The following RIT2 variants were observed in gnomAD, a reference collection of about 807,000 sequenced individuals.
RIT2 encodes Ras like without CAAX 2, also known as GTP-binding protein Rit2.
Under a neutral mutation model 23.7 loss-of-function variants are expected in RIT2, and 24 were observed. The ratio of observed to expected loss-of-function variants is 1.01; its 90% CI spans 0.73 to 1.43. The LOEUF is 1.43. Among genes scored for constraint, RIT2 ranks in the 40% most tolerant of loss-of-function variants. The pLI is 0.00. For synonymous variants in RIT2, 107 were observed against 91.1 expected (o/e 1.17, Z -0.99); for missense variants, 236 against 266.9 (o/e 0.88, Z 0.81).
chr18:42,857,846 A>C (rs1907226203), intron 4 of RIT2, among the ~76,000 whole-genome samples: 1 of 152,164 alleles, frequency 6.6e-6, no homozygotes, highest in Non-Finnish European at 1.5e-5. Context: ...AGGTACTGGG[A>C]ATCAGTCTTG....
intron 1 of RIT2, among the ~76,000 whole-genome samples, chr18:43,057,623 C>A (rs1328035703): frequency 6.6e-6 from 1 of 151,470 alleles, no homozygotes; most frequent in Non-Finnish European, 1.5e-5. Flanking sequence ...ATGCATTAAA[C>A]TGGCATTCCA....
intron 3 of RIT2, among the ~76,000 whole-genome samples, chr18:42,933,294 T>A (rs920250059): frequency 5.3e-5 from 8 of 150,372 alleles, no homozygotes; most frequent in East Asian, 2.0e-4. Context: ...GAGAAAAATG[T>A]TTTAAAATTT....
chr18:43,111,807 T>G (rs1475030547), intron 1 of RIT2, among the ~76,000 whole-genome samples: 3 of 152,146 alleles, frequency 2.0e-5, no homozygotes, highest in African/African-American at 7.2e-5. Context: ...GCAGCTTCAA[T>G]GGTGTCAGAA....
At chr18:42,843,553 C>G (rs1426066204) in intron 4 of RIT2, among the ~76,000 whole-genome samples, 2 of 152,186 alleles carry the variant, frequency 1.3e-5, no homozygotes, top group Non-Finnish European at 2.9e-5. Flanking sequence ...AAGGTAAAAG[C>G]TGAAGTAGGA....
chr18:42,794,555 T>C (rs1438546215), intron 4 of RIT2, among the ~76,000 whole-genome samples: 1 of 152,220 alleles, frequency 6.6e-6, no homozygotes, highest in Non-Finnish European at 1.5e-5. Flanking sequence ...AACATGAGCT[T>C]ACATTTTTTA....
intron 4 of RIT2, among the ~76,000 whole-genome samples, chr18:42,771,258 C>T (rs767742149): frequency 6.6e-5 from 10 of 152,058 alleles, no homozygotes; most frequent in African/African-American, 7.2e-5. Context: ...AGGTATGAAA[C>T]GTTAGTTTCA....
At chr18:43,108,347 C>CGTGT (rs138256652) in intron 1 of RIT2, among the ~76,000 whole-genome samples, 2,076 of 149,288 alleles carry the variant, frequency 0.014, 57 homozygotes, top group African/African-American at 0.043. Context: ...GGCCATATTA[C>CGTGT]GTGTGTGTGT....
At chr18:42,858,071 C>T (rs1371343958) in intron 4 of RIT2, among the ~76,000 whole-genome samples, 4 of 152,152 alleles carry the variant, frequency 2.6e-5, no homozygotes, top group Non-Finnish European at 4.4e-5. Context: ...ATCCCAGCTA[C>T]TCAGGAGACT....
chr18:42,860,092 G>T (rs2144048230), intron 4 of RIT2, among the ~76,000 whole-genome samples: 1 of 152,298 alleles, frequency 6.6e-6, no homozygotes, highest in East Asian at 1.9e-4. Context: ...CTGGGGACAA[G>T]TCTTTTCTCA....
intron 4 of RIT2, among the ~76,000 whole-genome samples, chr18:42,818,643 C>T (rs1027391414): frequency 1.3e-5 from 2 of 151,894 alleles, no homozygotes; most frequent in African/African-American, 4.8e-5. Context: ...AGAAACAGAG[C>T]AATAAGCTTT....
chr18:42,993,466 A>G (rs1421930767), intron 2 of RIT2, among the ~76,000 whole-genome samples: 1 of 151,256 alleles, frequency 6.6e-6, no homozygotes, highest in Non-Finnish European at 1.5e-5. Flanking sequence ...GAAGCTACCC[A>G]CTCCACATTA....
At chr18:43,050,303 T>G (rs1316975362) in intron 1 of RIT2, among the ~76,000 whole-genome samples, 1 of 151,908 alleles carries the variant, frequency 6.6e-6, no homozygotes, top group Non-Finnish European at 1.5e-5. Context: ...AGCACTAGGA[T>G]TATAGGTGTA....
chr18:43,089,641 TTACAGGGC>T lies in RIT2; in HGVS notation c.103+25768_103+25775del, dbSNP rs1598779202. 4.6e-5 allele frequency among the ~76,000 whole-genome samples: 7 copies of T among 151,176 alleles called. 1 individual carries two copies. In the East Asian group the frequency reaches 1.4e-3, roughly 29 times the overall value. On this transcript the variant is annotated intron_variant, in intron 1 of 4. Transcript: ENST00000326695. ...TCATGCTACCCAGTTTCAAATTATATTACAGGGCTACAGTAACCAAAACAGATTGGCAC... is the reference window on the plus strand; with the variant it reads ...TCATGCTACCCAGTTTCAAATTATATTACAGTAACCAAAACAGATTGGCAC...
chr18:42,985,293 G>T (rs1057376348), intron 2 of RIT2, among the ~76,000 whole-genome samples: 3 of 152,090 alleles, frequency 2.0e-5, no homozygotes, highest in Admixed American at 2.0e-4. Flanking sequence ...ATAAGTGGAG[G>T]TATATGCCAT....
intron 1 of RIT2, among the ~76,000 whole-genome samples, chr18:43,087,211 T>C (rs1009731602): frequency 2.6e-5 from 4 of 151,772 alleles, no homozygotes; most frequent in Non-Finnish European, 5.9e-5. Flanking sequence ...CACTGCAGTC[T>C]AGCCTGGGCA....
chr18:42,757,921 T>A (rs556218261), intron 4 of RIT2, among the ~76,000 whole-genome samples: 350 of 152,274 alleles, frequency 2.3e-3, no homozygotes, highest in African/African-American at 7.6e-3. Flanking sequence ...AGACATCTTA[T>A]CTTACTCTTT....
chr18:43,065,299 T>G (rs980081460), intron 1 of RIT2, among the ~76,000 whole-genome samples: 13 of 142,966 alleles, frequency 9.1e-5, no homozygotes, highest in Non-Finnish European at 1.8e-4. Context: ...CACACAATTA[T>G]AGCTCACTGT....
intron 4 of RIT2, among the ~76,000 whole-genome samples, chr18:42,835,290 T>C (rs1238417652): frequency 6.6e-6 from 1 of 151,904 alleles, no homozygotes. Context: ...TATTAATTTG[T>C]TCTACTACAG....
At chr18:42,781,204 AG>A (rs1913804547) in intron 4 of RIT2, among the ~76,000 whole-genome samples, 1 of 128,838 alleles carries the variant, frequency 7.8e-6, no homozygotes, top group Non-Finnish European at 1.7e-5. Flanking sequence ...TTGTATAAGG[AG>A]TAATAAACAG....
Sources: gnomAD v4.1 joint callset for allele counts (sites outside exome capture counted in the v4.1 genomes callset) on GRCh38, gnomAD v4.1.1 for gene constraint, MANE v1.5 for transcripts, NCBI Gene and HGNC (gene_info 2026-07-23, HGNC 2026-07-21) for gene names.